PABPC4L: variants seen among roughly 807,000 people sequenced by gnomAD.
PABPC4L encodes poly(A) binding protein cytoplasmic 4 like.
For synonymous variants in PABPC4L, 169 were observed against 164.1 expected (o/e 1.03, Z -0.23); for missense variants, 452 against 451.4 (o/e 1.00, Z -0.01).
chr4:134,081,365 A>G, the PABPC4L span, among the ~76,000 whole-genome samples: 1 of 152,172 alleles, frequency 6.6e-6, no homozygotes, highest in Admixed American at 6.5e-5. Flanking sequence ...AGAAAGAAGC[A>G]CTAAACATCA....
the PABPC4L span, among the ~76,000 whole-genome samples, chr4:134,183,463 G>A: frequency 6.0e-5 from 9 of 151,258 alleles, no homozygotes; most frequent in Admixed American, 4.6e-4. Flanking sequence ...CTTGAAGGTG[G>A]AGGGTGGGAG....
chr4:134,153,410 A>G, the PABPC4L span, among the ~76,000 whole-genome samples: 2 of 152,038 alleles, frequency 1.3e-5, no homozygotes, highest in Non-Finnish European at 2.9e-5. Context: ...TTTTCCATGC[A>G]AATGTCCATA....
chr4:134,059,460 A>G, the PABPC4L span, among the ~76,000 whole-genome samples: 1 of 150,696 alleles, frequency 6.6e-6, no homozygotes, highest in Admixed American at 6.6e-5. Context: ...ATGTACACAT[A>G]CACACACATT....
At chr4:133,987,289 G>C in the PABPC4L span, among the ~76,000 whole-genome samples, 1 of 152,124 alleles carries the variant, frequency 6.6e-6, no homozygotes, top group Non-Finnish European at 1.5e-5. Flanking sequence ...AAGCTGCAAG[G>C]CTTATCAAGA....
the PABPC4L span, among the ~76,000 whole-genome samples, chr4:134,130,688 C>A: frequency 6.6e-6 from 1 of 151,902 alleles, no homozygotes; most frequent in Admixed American, 6.6e-5. Flanking sequence ...TGAAGTATCA[C>A]CCTAATACCA....
At chr4:134,183,964 C>A in the PABPC4L span, among the ~76,000 whole-genome samples, 3 of 151,034 alleles carry the variant, frequency 2.0e-5, no homozygotes, top group Non-Finnish European at 4.4e-5. Context: ...TGATTGAGTG[C>A]GATTGTAGAA....
chr4:134,162,863 C>G, the PABPC4L span, among the ~76,000 whole-genome samples: 1 of 151,932 alleles, frequency 6.6e-6, no homozygotes. Context: ...ACAGCAAAAG[C>G]AATGCTAAGA....
At chr4:134,079,091 C>A in the PABPC4L span, among the ~76,000 whole-genome samples, 1 of 150,738 alleles carries the variant, frequency 6.6e-6, no homozygotes, top group Non-Finnish European at 1.5e-5. Flanking sequence ...TCTGCCTCAG[C>A]CTCCAAAGTA....
chr4:134,014,409 G>T, the PABPC4L span, among the ~76,000 whole-genome samples: 5 of 152,148 alleles, frequency 3.3e-5, no homozygotes, highest in African/African-American at 4.8e-5. Flanking sequence ...CAGTGGCCAG[G>T]TGTTCCTCCA....
the PABPC4L span, among the ~76,000 whole-genome samples, chr4:134,058,021 AAT>A: frequency 6.6e-6 from 1 of 152,018 alleles, no homozygotes; most frequent in Non-Finnish European, 1.5e-5. Flanking sequence ...AGCATTTTTA[AAT>A]ATGAGTTGAG....
the PABPC4L span, among the ~76,000 whole-genome samples, chr4:134,106,175 T>G: frequency 6.6e-6 from 1 of 151,614 alleles, no homozygotes; most frequent in Non-Finnish European, 1.5e-5. Context: ...TTAATTTTCT[T>G]TAAAAATTAT....
the PABPC4L span, among the ~76,000 whole-genome samples, chr4:134,188,861 C>A: frequency 2.0e-5 from 3 of 151,874 alleles, no homozygotes; most frequent in African/African-American, 7.2e-5. Flanking sequence ...TTGAAAAATT[C>A]TTGTCATTAT....
At chr4:134,024,563 A>G in the PABPC4L span, among the ~76,000 whole-genome samples, 2 of 152,134 alleles carry the variant, frequency 1.3e-5, no homozygotes, top group East Asian at 3.9e-4. Context: ...CAACAGTCCT[A>G]TTGGATTAGG....
At chr4:134,012,634 G>GCATGAA in the PABPC4L span, among the ~76,000 whole-genome samples, 2 of 152,160 alleles carry the variant, frequency 1.3e-5, no homozygotes, top group African/African-American at 4.8e-5. Context: ...TTGGTGCTGT[G>GCATGAA]ACTTGGATCG....
At chr4:134,033,610 A>C in the PABPC4L span, among the ~76,000 whole-genome samples, 1 of 151,936 alleles carries the variant, frequency 6.6e-6, no homozygotes, top group African/African-American at 2.4e-5. Flanking sequence ...GAAGTGAAAC[A>C]GTTTTATTTC....
chr4:134,147,201 A>T, the PABPC4L span, among the ~76,000 whole-genome samples: 1 of 152,108 alleles, frequency 6.6e-6, no homozygotes, highest in Non-Finnish European at 1.5e-5. Context: ...AACAACTCAT[A>T]GTTTCGTATT....
the PABPC4L span, among the ~76,000 whole-genome samples, chr4:134,185,447 T>A: frequency 6.6e-6 from 1 of 152,140 alleles, no homozygotes; most frequent in Non-Finnish European, 1.5e-5. Context: ...CACATGATTA[T>A]CTCAATAGAT....
At chr4:133,963,659 A>T in the PABPC4L span, among the ~76,000 whole-genome samples, 1 of 152,156 alleles carries the variant, frequency 6.6e-6, no homozygotes, top group Non-Finnish European at 1.5e-5. Flanking sequence ...ACCACAGAGG[A>T]ATAAAACTGA....
chr4:134,146,045 G>A, the PABPC4L span, among the ~76,000 whole-genome samples: 2 of 151,594 alleles, frequency 1.3e-5, no homozygotes, highest in African/African-American at 4.8e-5. Context: ...ATATAGTTGT[G>A]GATTTGTTTT....
Sources: gnomAD v4.1 joint callset for allele counts (sites outside exome capture counted in the v4.1 genomes callset) on GRCh38, gnomAD v4.1.1 for gene constraint, MANE v1.5 for transcripts, NCBI Gene and HGNC (gene_info 2026-07-23, HGNC 2026-07-21) for gene names.